GADL1: variants seen among roughly 807,000 people sequenced by gnomAD.
GADL1 encodes acidic amino acid decarboxylase GADL1.
In GADL1, 71 loss-of-function variants were observed where a neutral mutation model predicts 69.5. The observed-to-expected ratio is 1.02, with a 90% confidence interval of 0.84 to 1.25. The LOEUF is 1.25. GADL1 is among the 50% of genes most tolerant of loss of function. The pLI, the probability that GADL1 is intolerant of heterozygous loss-of-function variation, is 0.00. For synonymous variants in GADL1, 254 were observed against 214.4 expected, an observed-to-expected ratio of 1.18 and a Z score of -1.62; for missense variants, 737 against 631.8, an observed-to-expected ratio of 1.17 and a Z score of -1.79.
At chr3:30,765,333 G>C (rs1405120734) in intron 14 of GADL1, among the ~76,000 whole-genome samples, 1 of 152,042 alleles carries the variant, frequency 6.6e-6, no homozygotes, top group Non-Finnish European at 1.5e-5. Flanking sequence ...TTCAGGATGA[G>C]TAGTCATATT....
chr3:30,803,236 T>C (rs948889595), intron 11 of GADL1, among the ~76,000 whole-genome samples: 2 of 152,200 alleles, frequency 1.3e-5, no homozygotes, highest in Non-Finnish European at 2.9e-5. Flanking sequence ...GATTTTATCA[T>C]CAATATCTCT....
At chr3:30,844,161 G>T in intron 8 of GADL1, 49 bp downstream of exon 8, 2 of 1,457,598 alleles carry the variant, frequency 1.4e-6, no homozygotes, top group Non-Finnish European at 1.9e-6. Context: ...GCGCGGGCGT[G>T]CGCGCACACA....
intron 11 of GADL1, among the ~76,000 whole-genome samples, chr3:30,801,429 A>C (rs1559503899): frequency 6.6e-6 from 1 of 151,972 alleles, no homozygotes; most frequent in African/African-American, 2.4e-5. Flanking sequence ...AGTGCTCTCC[A>C]TTGGCCAGAA....
intron 1 of GADL1, among the ~76,000 whole-genome samples, chr3:30,881,592 A>G (rs180737499): frequency 6.6e-6 from 1 of 152,034 alleles, no homozygotes; most frequent in African/African-American, 2.4e-5. Context: ...AGAACTCAAG[A>G]ACAGCAATCT....
intron 14 of GADL1, among the ~76,000 whole-genome samples, chr3:30,754,371 AAT>A (rs1491105435): frequency 9.2e-5 from 14 of 151,914 alleles, no homozygotes; most frequent in African/African-American, 2.9e-4. Flanking sequence ...TTCAGGAAAG[AAT>A]ATGTTGGGGC....
rs113105124 is a variant in GADL1, at chr3:30,810,428, T to G, written c.1051-9340A>C. On this transcript the variant is annotated intron_variant, in intron 11 of 14. Transcript: ENST00000282538. ...ATAGGTAGATATAGAGATATATATA[T>G]AGAGAGAGAGATCTGTGTTTGTCTT... 9.3e-3 allele frequency among the ~76,000 whole-genome samples: 1,408 copies of G among 152,164 alleles called. 23 individuals are homozygous for G. The highest frequency in any genetic ancestry group is 0.028 in the African/African-American group (1,150 of 41,508).
chr3:30,802,487 C>CA (rs1389798546), intron 11 of GADL1, among the ~76,000 whole-genome samples: 3 of 152,112 alleles, frequency 2.0e-5, no homozygotes, highest in East Asian at 1.9e-4. Flanking sequence ...CAGGAAGCTA[C>CA]AAAAAAGCTT....
At chr3:30,769,929 G>A (rs527434169) in intron 14 of GADL1, among the ~76,000 whole-genome samples, 29 of 44,532 alleles carry the variant, frequency 6.5e-4, no homozygotes, top group Middle Eastern at 9.4e-3. Flanking sequence ...AAGGACTGAC[G>A]AATTTAGGTA....
At chr3:30,886,370 C>T (rs1313622644) in intron 1 of GADL1, among the ~76,000 whole-genome samples, 2 of 152,110 alleles carry the variant, frequency 1.3e-5, no homozygotes, top group Non-Finnish European at 2.9e-5. Flanking sequence ...TGATTTCTCA[C>T]CACTAATTTT....
intron 1 of GADL1, among the ~76,000 whole-genome samples, chr3:30,889,312 T>C (rs572627179): frequency 8.5e-5 from 13 of 152,178 alleles, no homozygotes; most frequent in African/African-American, 2.9e-4. Flanking sequence ...GAGATTTGGG[T>C]GGGGACACAG....
At chr3:30,786,961 C>CT (rs1315241706) in intron 12 of GADL1, among the ~76,000 whole-genome samples, 1 of 152,132 alleles carries the variant, frequency 6.6e-6, no homozygotes, top group Non-Finnish European at 1.5e-5. Flanking sequence ...AAACCAAACA[C>CT]TGCATGTTCT....
At chr3:30,837,164 G>GTTT (rs3043722) in intron 9 of GADL1, among the ~76,000 whole-genome samples, 82,684 of 151,658 alleles carry the variant, frequency 0.55, 26,126 homozygotes, top group African/African-American at 0.88. Context: ...ATAAACATCA[G>GTTT]TTTAATATTT....
At chr3:30,889,514 C>T (rs1698758078) in intron 1 of GADL1, among the ~76,000 whole-genome samples, 2 of 152,108 alleles carry the variant, frequency 1.3e-5, no homozygotes, top group South Asian at 4.2e-4. Flanking sequence ...AAAGCAAAAG[C>T]CAAAAGCAGA....
chr3:30,766,908 G>A lies in GADL1; in HGVS notation c.1392+11271C>T, dbSNP rs184328948. Among the ~76,000 whole-genome samples the A allele has an allele frequency of 2.6e-5, 4 of 152,304 alleles. No homozygotes were observed. In the East Asian group the frequency reaches 7.7e-4, roughly 29 times the overall value. On this transcript the variant is annotated intron_variant, in intron 14 of 14. Coordinates refer to ENST00000282538, the MANE Select transcript of GADL1 (RefSeq NM_207359.3). The stretch of plus-strand genomic sequence containing the variant: ...TTAGGAAGTCTATTATTGTGATAGT[G>A]TTAAGGTATTTTGTTAAGCAAACAA...
chr3:30,801,153 C>T, intron 11 of GADL1, 65 bp from the exon 12 acceptor site: 1 of 1,157,458 alleles, frequency 8.6e-7, no homozygotes, highest in Non-Finnish European at 1.3e-6. Flanking sequence ...TGAAAGCAAA[C>T]ACATGTACAC....
At chr3:30,865,176 C>T (rs1444470272) in intron 1 of GADL1, among the ~76,000 whole-genome samples, 2 of 151,866 alleles carry the variant, frequency 1.3e-5, no homozygotes, top group African/African-American at 4.8e-5. Context: ...CTCAGGGAGG[C>T]CTTCCTTGAC....
chr3:30,813,059 A>C (rs559602033), intron 11 of GADL1, among the ~76,000 whole-genome samples: 20 of 152,318 alleles, frequency 1.3e-4, no homozygotes, highest in African/African-American at 4.6e-4. Context: ...GAAGGGAAAC[A>C]GAAGAGATTA....
intron 11 of GADL1, among the ~76,000 whole-genome samples, chr3:30,818,182 A>G (rs907513455): frequency 2.0e-5 from 3 of 152,180 alleles, no homozygotes; most frequent in African/African-American, 7.2e-5. Context: ...TAAGAAGACT[A>G]GAAATGTGGA....
chr3:30,766,903 ATAGTGT>A (rs1696294596), intron 14 of GADL1, among the ~76,000 whole-genome samples: 1 of 152,192 alleles, frequency 6.6e-6, no homozygotes, highest in African/African-American at 2.4e-5. Flanking sequence ...TATTATTGTG[ATAGTGT>A]TAAGGTATTT....
Sources: allele counts gnomAD v4.1 joint callset (sites outside exome capture counted in the v4.1 genomes callset), GRCh38; gene constraint gnomAD v4.1.1; transcripts MANE v1.5; gene names NCBI Gene and HGNC (gene_info 2026-07-23, HGNC 2026-07-21).